Variants in KIAA1217 observed in about 807,000 individuals in gnomAD.
KIAA1217 encodes sickle tail protein homolog.
A neutral mutation model predicts 163.9 loss-of-function variants in KIAA1217; 88 were observed. That is an observed-to-expected ratio of 0.54 (90% confidence interval 0.45 to 0.64). KIAA1217 has a LOEUF of 0.64. KIAA1217 is among the 30% of genes least tolerant of loss of function. The pLI, the probability that KIAA1217 is intolerant of heterozygous loss-of-function variation, is 0.00. For missense variants in KIAA1217, 2,372 were observed against 2,475.0 expected (o/e 0.96, Z 0.88); for synonymous variants, 903 against 923.1 (o/e 0.98, Z 0.39).
At position 23,969,272 on chromosome 10, in the gene KIAA1217, G is replaced by A. The variant is rs549315291; in HGVS notation, c.-320-37953G>A. On this transcript the variant is annotated intron_variant, in intron 1 of 18. Transcript: ENST00000376462. Reference sequence around the variant, plus strand: ...GCTGGTCTTAAACTCCCGACCTTTGGTCGTCCACCTGCCTCGCCTCCCCAA... The same window carrying A: ...GCTGGTCTTAAACTCCCGACCTTTGATCGTCCACCTGCCTCGCCTCCCCAA... Among the ~76,000 whole-genome samples, 8 of 152,278 alleles carry A rather than the reference G, an allele frequency of 5.3e-5. No individual in the cohort carries two copies. In the East Asian group the frequency reaches 1.5e-3, roughly 29 times the overall value.
intron 2 of KIAA1217, among the ~76,000 whole-genome samples, chr10:24,304,217 T>TG (rs1174939238): frequency 1.3e-4 from 20 of 151,862 alleles, no homozygotes; most frequent in African/African-American, 4.6e-4. Context: ...TTTTTTTTTT[T>TG]TTTTTGCCTG....
chr10:24,316,209 T>C (rs2043346693), intron 2 of KIAA1217, among the ~76,000 whole-genome samples: 1 of 152,200 alleles, frequency 6.6e-6, no homozygotes, highest in African/African-American at 2.4e-5. Context: ...CATCAGTTGT[T>C]AAATTACTGT....
chr10:23,915,742 G>A (rs1057188822), intron 1 of KIAA1217, among the ~76,000 whole-genome samples: 1 of 152,198 alleles, frequency 6.6e-6, no homozygotes, highest in Non-Finnish European at 1.5e-5. Context: ...GGCAGAGAAA[G>A]GTGCAAGACT....
At position 24,501,459 on chromosome 10, in the gene KIAA1217, A is replaced by C. The variant is rs762119786; in HGVS notation, c.1915A>C (p.Thr639Pro). ...TCCCAGCCAGCCTCCACCTGTGGGC[A>C]CCTCAGCCATCCACATGAGCCTGCT... ...VPPSQPPPVG[T>P]SAIHMSLLEM... Residue 639 changes from threonine to proline, a missense_variant, in exon 9 of 21, where the codon ACC becomes CCC. By Grantham distance (38) the Thr-to-Pro change is conservative. Transcript: ENST00000376454. 3.1e-6 allele frequency: 5 copies of C among 1,614,002 alleles called. No homozygotes were observed. Among genetic ancestry groups the C allele is most frequent in the Non-Finnish European group, 4.2e-6 (5 of 1,179,992 alleles).
intron 9 of KIAA1217, among the ~76,000 whole-genome samples, chr10:24,502,399 G>A (rs181044475): frequency 8.1e-4 from 124 of 152,200 alleles, no homozygotes; most frequent in Admixed American, 1.3e-3. Context: ...TGATCCATCC[G>A]TTCCTTGCTC....
chr10:23,702,219 G>A (rs1836503721), intron 1 of KIAA1217, among the ~76,000 whole-genome samples: 1 of 144,606 alleles, frequency 6.9e-6, no homozygotes, highest in Non-Finnish European at 1.5e-5. Flanking sequence ...GTTCTTTAGG[G>A]AAGAGGGAGA....
intron 2 of KIAA1217, among the ~76,000 whole-genome samples, chr10:24,171,840 A>G (rs1303462629): frequency 6.6e-6 from 1 of 152,354 alleles, no homozygotes; most frequent in East Asian, 1.9e-4. Context: ...ATAAATAAAA[A>G]TAATGATGAT....
intron 1 of KIAA1217, among the ~76,000 whole-genome samples, chr10:23,944,070 T>C (rs1441434143): frequency 6.6e-6 from 1 of 152,022 alleles, no homozygotes; most frequent in Admixed American, 6.6e-5. Flanking sequence ...AAAGAAAAAA[T>C]TGACAAATTG....
intron 2 of KIAA1217, among the ~76,000 whole-genome samples, chr10:24,358,614 AGAC>A: frequency 6.6e-6 from 1 of 152,240 alleles, no homozygotes; most frequent in African/African-American, 2.4e-5. Context: ...GTGGATATTG[AGAC>A]ACAAAATTGA....
intron 1 of KIAA1217, among the ~76,000 whole-genome samples, chr10:23,959,399 C>T (rs1232141875): frequency 1.3e-5 from 2 of 152,028 alleles, no homozygotes; most frequent in African/African-American, 4.8e-5. Flanking sequence ...GGTGCATACC[C>T]TTAGTCCCAG....
chr10:23,818,012 CACATATATATACACACATATATAT>C (rs1837414543), intron 1 of KIAA1217, among the ~76,000 whole-genome samples: 1 of 114,818 alleles, frequency 8.7e-6, no homozygotes, highest in Non-Finnish European at 1.7e-5. Context: ...TATATATACA[CACATATATATACACACATATATAT>C]ACATATATAT....
At chr10:24,440,309 A>G (rs1181213877) in intron 5 of KIAA1217, among the ~76,000 whole-genome samples, 2 of 152,044 alleles carry the variant, frequency 1.3e-5, no homozygotes, top group African/African-American at 4.8e-5. Flanking sequence ...GCCTTTTATT[A>G]CTCTGTTATT....
intron 1 of KIAA1217, among the ~76,000 whole-genome samples, chr10:23,987,592 C>G (rs1396690514): frequency 6.9e-6 from 1 of 145,200 alleles, no homozygotes; most frequent in Non-Finnish European, 1.5e-5. Context: ...TTCATTACCT[C>G]ACATTCTTAT....
At chr10:24,178,556 A>C (rs1243478017) in intron 2 of KIAA1217, among the ~76,000 whole-genome samples, 2 of 152,196 alleles carry the variant, frequency 1.3e-5, no homozygotes, top group Non-Finnish European at 2.9e-5. Context: ...CATATATTAG[A>C]TTGTACCATT....
At chr10:23,856,857 A>C (rs112975003) in intron 1 of KIAA1217, among the ~76,000 whole-genome samples, 3,028 of 152,292 alleles carry the variant, frequency 0.02, 47 homozygotes, top group Non-Finnish European at 0.03. Flanking sequence ...TTTTAAGCCC[A>C]TCGGAAAAGC....
intron 11 of KIAA1217, 35 bp from the exon 12 acceptor site, chr10:24,521,747 T>C (rs781125445): frequency 5.6e-6 from 9 of 1,599,474 alleles, no homozygotes; most frequent in Admixed American, 1.7e-5. Flanking sequence ...TCTGGCTTTT[T>C]CTCCTCCAAT....
rs769970862 is a variant in KIAA1217, at chr10:24,473,776, A to C, written c.1395A>C (p.Thr465=). 4.3e-6 allele frequency: 7 copies of C among 1,614,116 alleles called. No individual in the cohort carries two copies. In the South Asian group the frequency reaches 6.6e-5, roughly 15 times the overall value. Residue 465 remains threonine, a synonymous_variant, in exon 6 of 21, where the codon ACA becomes ACC. Coordinates refer to ENST00000376454, the MANE Select transcript of KIAA1217 (RefSeq NM_019590.5). Reference sequence around the variant, plus strand: ...AATATCCGGATAGCCATTTGCCTACACTGGGCTCCAAAACACCCCCTGCCT... The same window carrying C: ...AATATCCGGATAGCCATTTGCCTACCCTGGGCTCCAAAACACCCCCTGCCT... ...SRKYPDSHLP[T]LGSKTPPASP...
intron 2 of KIAA1217, among the ~76,000 whole-genome samples, chr10:24,316,355 ATG>A (rs1397158265): frequency 6.6e-6 from 1 of 152,126 alleles, no homozygotes; most frequent in Non-Finnish European, 1.5e-5. Flanking sequence ...AGTTCCTAGG[ATG>A]TGTGACTTTC....
At chr10:24,431,554 TG>T (rs1467550956) in intron 3 of KIAA1217, among the ~76,000 whole-genome samples, 2 of 152,104 alleles carry the variant, frequency 1.3e-5, no homozygotes, top group Admixed American at 1.3e-4. Context: ...AGCTGTAAAA[TG>T]GGCGCTTAGA....
Sources: allele counts gnomAD v4.1 joint callset (sites outside exome capture counted in the v4.1 genomes callset), GRCh38; gene constraint gnomAD v4.1.1; transcripts MANE v1.5; gene names NCBI Gene and HGNC (gene_info 2026-07-23, HGNC 2026-07-21).